The following TRIB3 variants were observed in gnomAD, a reference collection of about 807,000 sequenced individuals.
TRIB3 encodes tribbles homolog 3.
Under a neutral mutation model 16.6 loss-of-function variants are expected in TRIB3, and 20 were observed. The ratio of observed to expected loss-of-function variants is 1.20; its 90% confidence interval spans 0.85 to 1.75. The LOEUF (loss-of-function observed/expected upper bound fraction) is 1.75, where lower values mean the gene tolerates loss of function less well. Ranked by LOEUF, TRIB3 falls within the 40% of genes most tolerant of loss-of-function variation. The probability of loss-of-function intolerance (pLI) is 0.00; values close to 1 mark genes in which losing one functional copy is unlikely to be tolerated. For missense variants in TRIB3, 484 were observed against 488.9 expected (o/e 0.99, Z 0.10); for synonymous variants, 208 against 217.0 (o/e 0.96, Z 0.36).
chr20:380,837 G>A lies in TRIB3; in HGVS notation c.-333G>A, dbSNP rs866577738. On this transcript the variant is annotated 5_prime_UTR_variant, in exon 1 of 4. Transcript: ENST00000217233. ...GGAGAGAGGCCCGGGCGCGGCGCGG[G>A]GGATGGTGCGATCCCGGGCCCGAGG... 3.9e-5 allele frequency: 6 copies of A among 152,342 alleles called. No homozygotes were observed. The highest frequency in any genetic ancestry group is 2.1e-4 in the South Asian group (1 of 4,816). 9.4% of individuals were successfully genotyped at this position (152,342 alleles called of 1,614,324 possible). A position where few individuals can be genotyped will look rare whatever the true frequency, so the allele number is the denominator to read the frequency against.
intron 3 of TRIB3, among the ~76,000 whole-genome samples, chr20:394,725 G>T (rs541174185): frequency 6.6e-6 from 1 of 152,076 alleles, no homozygotes; most frequent in East Asian, 1.9e-4. Flanking sequence ...GTTTGAGGCT[G>T]CAGTGAACTA....
intron 2 of TRIB3, among the ~76,000 whole-genome samples, chr20:389,001 AC>A (rs887752331): frequency 1.3e-5 from 2 of 152,154 alleles, no homozygotes; most frequent in Admixed American, 6.5e-5. Flanking sequence ...CCTGGCAGAA[AC>A]CAGGAAATGG....
chr20:396,021 C>T (rs2044377279), intron 3 of TRIB3, among the ~76,000 whole-genome samples, 177 bp from the exon 4 acceptor site: 1 of 152,160 alleles, frequency 6.6e-6, no homozygotes, highest in African/African-American at 2.4e-5. Context: ...ATGACTTAAC[C>T]TCTCTGAGCC....
chr20:383,009 C>T (rs112511698), intron 1 of TRIB3, among the ~76,000 whole-genome samples: 5,018 of 152,286 alleles, frequency 0.033, 275 homozygotes, highest in African/African-American at 0.11. Flanking sequence ...TGAGGTCTCT[C>T]GCACCAATGC....
Position 397,161 on chromosome 20 carries a change from G to C in TRIB3, c.*471G>C, listed in dbSNP as rs2015152897. 6.3e-6 allele frequency: 1 copy of C among 157,570 alleles called. No homozygotes were observed. The allele number at this position is 157,570 out of a possible 1,614,324, so 9.8% of individuals were successfully genotyped here. On this transcript the variant is annotated 3_prime_UTR_variant, in exon 4 of 4. Transcript: ENST00000217233. ...GAAAGGGAGGTATCCCTGTGCCAAAGGCTCCAGGCCTCTCCCCTGCAACTC... is the reference window on the plus strand; with the variant it reads ...GAAAGGGAGGTATCCCTGTGCCAAACGCTCCAGGCCTCTCCCCTGCAACTC...
intron 2 of TRIB3, among the ~76,000 whole-genome samples, chr20:391,001 C>CAAAAAAAA (rs11374668): frequency 4.7e-5 from 4 of 85,778 alleles, no homozygotes; most frequent in Non-Finnish European, 7.0e-5. Context: ...GACTCCGTCT[C>CAAAAAAAA]AAAAAAAAAA....
intron 1 of TRIB3, 139 bp from the exon 2 acceptor site, chr20:387,872 G>C: frequency 9.9e-7 from 1 of 1,012,948 alleles, no homozygotes; most frequent in South Asian, 1.7e-5. Flanking sequence ...ACCCAGTTAA[G>C]GATATGTGAC....
In TRIB3 at chr20:396,437, G is replaced by T. The variant is rs140801463; in HGVS notation, c.824G>T (p.Arg275Leu). Residue 275 changes from arginine (R) to leucine (L), a missense_variant, in exon 4 of 4, where the codon CGC becomes CTC. Transcript: ENST00000217233. The stretch of plus-strand genomic sequence containing the variant: ...GTCCTGCTCTTCGGCAAGATCCGCC[G>T]CGGGGCCTACGCCTTGCCTGCAGGC... Reference protein sequence around the residue: ...EPVLLFGKIRRGAYALPAGLS... With the variant: ...EPVLLFGKIRLGAYALPAGLS... 5.0e-6 allele frequency: 8 copies of T among 1,612,770 alleles called. No individual in the cohort carries two copies. In the South Asian group the frequency reaches 7.7e-5, roughly 15 times the overall value.
rs1024416624 is a variant in TRIB3, at chr20:381,112, T to A, written c.-58T>A. On this transcript the variant is annotated 5_prime_UTR_variant, in exon 1 of 4. Coordinates refer to ENST00000217233, the MANE Select transcript of TRIB3 (RefSeq NM_021158.5). The stretch of plus-strand genomic sequence containing the variant: ...CGCAGCGGGCCGGCCCACCTGCTGG[T>A]GCCCTGGAGGCTCTGAGCCCCGGCG... 6.7e-6 allele frequency: 1 copy of A among 150,220 alleles called. No individual in the cohort carries two copies. Among genetic ancestry groups the A allele is most frequent in the Non-Finnish European group, 1.5e-5 (1 of 67,466 alleles). 9.3% of individuals were successfully genotyped at this position (150,220 alleles called of 1,614,324 possible). A position where few individuals can be genotyped will look rare whatever the true frequency, so the allele number is the denominator to read the frequency against.
intron 2 of TRIB3, among the ~76,000 whole-genome samples, chr20:389,562 T>A (rs2014915182): frequency 6.6e-6 from 1 of 152,134 alleles, no homozygotes; most frequent in Non-Finnish European, 1.5e-5. Flanking sequence ...TAGCTTCACC[T>A]GGCCTCTTGT....
rs1234802395 is a variant in TRIB3 at position 381,189 on chromosome 20, C to T, written c.-1+20C>T. On this transcript the variant is annotated intron_variant, in intron 1 of 3. Transcript: ENST00000217233. ...GGCGAGGTACTCGGCGGGGTGCGGC[C>T]TGCGGACTCGCCCGGAGGCCGGGGG... 1 of 148,478 alleles carries T rather than the reference C, an allele frequency of 6.7e-6. No homozygotes were observed. The highest frequency in any genetic ancestry group is 1.5e-5 in the Non-Finnish European group (1 of 67,050). 9.2% of individuals were successfully genotyped at this position (148,478 alleles called of 1,614,324 possible).
chr20:395,736 G>A (rs2015105788), intron 3 of TRIB3, among the ~76,000 whole-genome samples: 1 of 152,082 alleles, frequency 6.6e-6, no homozygotes. Context: ...AATGAGGTGA[G>A]CCAGGTAATG....
chr20:384,034 C>T (rs892790614), intron 1 of TRIB3, among the ~76,000 whole-genome samples: 1 of 152,112 alleles, frequency 6.6e-6, no homozygotes, highest in Non-Finnish European at 1.5e-5. Context: ...CCCTCACATC[C>T]AATCCATCCA....
chr20:396,642 C>G lies in TRIB3; in HGVS notation c.1029C>G (p.Asp343Glu). Residue 343 changes from aspartate (D) to glutamate (E), a missense_variant, in exon 4 of 4, where the codon GAC (aspartate) becomes GAG (glutamate). Coordinates refer to ENST00000217233, the MANE Select transcript of TRIB3 (RefSeq NM_021158.5). ...TGGTCCCTGATGGACTGGGGCTGGACGAAGCCAGGGAAGAGGAGGGAGACA... is the reference window on the plus strand; with the variant it reads ...TGGTCCCTGATGGACTGGGGCTGGAGGAAGCCAGGGAAGAGGAGGGAGACA... The part of the protein sequence containing the change: ...AQVVPDGLGL[D>E]EAREEEGDRE... The G allele has an allele frequency of 1.9e-6, 3 of 1,612,826 alleles. No individual in the cohort carries two copies. The highest frequency in any genetic ancestry group is 1.3e-5 in the African/African-American group (1 of 75,046).
chr20:391,239 C>T (rs766597283), intron 2 of TRIB3, 48 bp from the exon 3 acceptor site: 3 of 1,577,044 alleles, frequency 1.9e-6, no homozygotes. Context: ...ATGCCAGCCT[C>T]AGCTCCCGGG....
At chr20:395,996 G>C (rs1251878690) in intron 3 of TRIB3, among the ~76,000 whole-genome samples, 1 of 152,118 alleles carries the variant, frequency 6.6e-6, no homozygotes, top group South Asian at 2.1e-4. Context: ...AAATTTAATT[G>C]CTCTGTGGCC....
chr20:393,811 C>A (rs1297475921), intron 3 of TRIB3, among the ~76,000 whole-genome samples: 1 of 152,142 alleles, frequency 6.6e-6, no homozygotes, highest in Non-Finnish European at 1.5e-5. Flanking sequence ...TGACCTTGAT[C>A]ACTTGGTTAG....
rs2014614635 is a variant in TRIB3 at position 380,805 on chromosome 20, A to C, written c.-365A>C. Reference sequence around the variant, plus strand: ...CGAGGGCGGGTCCCAGGTGCAGCGGATGCAGAGGAGAGAGGCCCGGGCGCG... The same window carrying C: ...CGAGGGCGGGTCCCAGGTGCAGCGGCTGCAGAGGAGAGAGGCCCGGGCGCG... On this transcript the variant is annotated 5_prime_UTR_variant, in exon 1 of 4. It removes an upstream start codon present in the reference 5' UTR. Coordinates refer to ENST00000217233, the MANE Select transcript of TRIB3 (RefSeq NM_021158.5). 6.6e-6 allele frequency: 1 copy of C among 150,770 alleles called. No homozygotes were observed. Among genetic ancestry groups the C allele is most frequent in the East Asian group, 2.0e-4 (1 of 5,082 alleles). 9.3% of individuals were successfully genotyped at this position (150,770 alleles called of 1,614,324 possible). A position where few individuals can be genotyped will look rare whatever the true frequency, so the allele number is the denominator to read the frequency against.
At chr20:390,643 T>G (rs1191756948) in intron 2 of TRIB3, among the ~76,000 whole-genome samples, 1 of 152,156 alleles carries the variant, frequency 6.6e-6, no homozygotes, top group Non-Finnish European at 1.5e-5. Context: ...GTTATTTTTC[T>G]GTTTGGGTGA....
Sources: gnomAD v4.1 joint callset for allele counts (sites outside exome capture counted in the v4.1 genomes callset) on GRCh38, gnomAD v4.1.1 for gene constraint, MANE v1.5 for transcripts, NCBI Gene and HGNC (gene_info 2026-07-23, HGNC 2026-07-21) for gene names.